CCDC3: variants seen among roughly 807,000 people sequenced by gnomAD.
The protein encoded by CCDC3 is coiled-coil domain containing 3.
Under a neutral mutation model 21.4 loss-of-function variants are expected in CCDC3, and 24 were observed. That is an observed-to-expected ratio of 1.12 (90% CI 0.81 to 1.58). CCDC3 has a LOEUF of 1.58. CCDC3 is among the 40% of genes most tolerant of loss of function. CCDC3 has a pLI of 0.00. For missense variants in CCDC3, 425 were observed against 360.9 expected (o/e 1.18, Z -1.44); for synonymous variants, 186 against 166.0 (o/e 1.12, Z -0.93).
intron 5 of CCDC3, among the ~76,000 whole-genome samples, chr10:13,038,208 G>A (rs1241654341): frequency 6.6e-6 from 1 of 152,052 alleles, no homozygotes; most frequent in African/African-American, 2.4e-5. Context: ...GCCTATCAGA[G>A]GGTGGAGGGT....
intron 4 of CCDC3, among the ~76,000 whole-genome samples, chr10:13,060,606 G>A (rs927359670): frequency 6.6e-6 from 1 of 152,174 alleles, no homozygotes; most frequent in Non-Finnish European, 1.5e-5. Context: ...CTGGGCTCAA[G>A]CAATCCTCCT....
intron 2 of CCDC3, among the ~76,000 whole-genome samples, chr10:12,960,161 C>CATACACA (rs1410978311): frequency 4.7e-4 from 9 of 19,188 alleles, no homozygotes; most frequent in Non-Finnish European, 8.9e-4. Context: ...TTCACACACA[C>CATACACA]ACACACAACA....
chr10:13,079,171 C>A (rs1837002065), intron 3 of CCDC3, among the ~76,000 whole-genome samples: 1 of 152,220 alleles, frequency 6.6e-6, no homozygotes, highest in Non-Finnish European at 1.5e-5. Context: ...AACAAGCATT[C>A]TGTTTTTGAA....
rs34693791 is a variant in CCDC3 at position 13,067,391 on chromosome 10, GT to G, written c.-270+6476del. ...TCAGCATTTAACTTTTAAGTGAGAG[GT>G]TTTTTTTTTCCTTTTTGAAGACATT... On this transcript the variant is annotated intron_variant, in intron 4 of 6. Transcript: ENST00000378839. Among the ~76,000 whole-genome samples, 1,050 of 150,834 alleles carry G rather than the reference GT, an allele frequency of 7.0e-3. 19 individuals carry two copies. Among genetic ancestry groups the G allele is most frequent in the African/African-American group, 0.022 (914 of 41,182 alleles).
chr10:13,061,455 C>T (rs781496838), intron 4 of CCDC3, among the ~76,000 whole-genome samples: 7 of 152,182 alleles, frequency 4.6e-5, no homozygotes, highest in Non-Finnish European at 1.0e-4. Flanking sequence ...AACAGTCAAA[C>T]TCTGTAGAAT....
intron 5 of CCDC3, among the ~76,000 whole-genome samples, chr10:13,022,249 C>T (rs1350368969): frequency 1.3e-5 from 2 of 152,178 alleles, no homozygotes; most frequent in Non-Finnish European, 2.9e-5. Flanking sequence ...AATCCTCTCT[C>T]TCTTTTTTTC....
At chr10:12,978,864 C>A (rs376161292) in intron 2 of CCDC3, among the ~76,000 whole-genome samples, 3 of 152,104 alleles carry the variant, frequency 2.0e-5, no homozygotes, top group African/African-American at 7.2e-5. Flanking sequence ...TTTTAATATG[C>A]GTGCTGTTTT....
At chr10:12,931,809 G>A (rs1271518993) in intron 2 of CCDC3, among the ~76,000 whole-genome samples, 1 of 152,184 alleles carries the variant, frequency 6.6e-6, no homozygotes, top group East Asian at 1.9e-4. Flanking sequence ...CAAGAATTAG[G>A]TCCTGTGTGT....
At position 13,054,484 on chromosome 10, in the gene CCDC3, C is replaced by T. The variant is rs372335826; in HGVS notation, c.-269-4543G>A. Among the ~76,000 whole-genome samples, 8 of 152,234 alleles carry T rather than the reference C, an allele frequency of 5.3e-5. No individual in the cohort carries two copies. In the East Asian group the frequency reaches 9.7e-4, roughly 18 times the overall value. On this transcript the variant is annotated intron_variant, in intron 4 of 6. Transcript: ENST00000378839. Reference sequence around the variant, plus strand: ...ATTTCTGTCTCCCTCTGCTTGGCTACGAGCTCCATGATGGCAGGAATTGCA... The same window carrying T: ...ATTTCTGTCTCCCTCTGCTTGGCTATGAGCTCCATGATGGCAGGAATTGCA...
At chr10:12,939,034 C>A (rs1438824071) in intron 2 of CCDC3, among the ~76,000 whole-genome samples, 2 of 151,694 alleles carry the variant, frequency 1.3e-5, no homozygotes, top group Non-Finnish European at 2.9e-5. Flanking sequence ...TTGGCTGCAT[C>A]CACTACAAAT....
intron 3 of CCDC3, among the ~76,000 whole-genome samples, chr10:13,086,127 C>T (rs915964098): frequency 6.6e-6 from 1 of 151,972 alleles, no homozygotes; most frequent in Non-Finnish European, 1.5e-5. Context: ...TATAAACTTC[C>T]ATATGTTCTT....
At chr10:13,015,670 A>G (rs145520398) in intron 5 of CCDC3, among the ~76,000 whole-genome samples, 79 of 152,162 alleles carry the variant, frequency 5.2e-4, no homozygotes, top group African/African-American at 1.8e-3. Flanking sequence ...TCGCAGCTGT[A>G]TATCAGACAC....
intron 4 of CCDC3, among the ~76,000 whole-genome samples, chr10:13,062,582 T>G (rs1344719765): frequency 2.6e-5 from 4 of 152,176 alleles, no homozygotes; most frequent in Non-Finnish European, 4.4e-5. Context: ...TAAGCAAGAC[T>G]CTGTCTTGTT....
chr10:13,065,408 A>G (rs17152802), intron 4 of CCDC3, among the ~76,000 whole-genome samples: 16,815 of 152,254 alleles, frequency 0.11, 1,156 homozygotes, highest in Admixed American at 0.17. Flanking sequence ...GGGCATCAGA[A>G]TATTGAAAAA....
At chr10:12,988,497 C>T (rs1217286663) in intron 2 of CCDC3, among the ~76,000 whole-genome samples, 1 of 152,126 alleles carries the variant, frequency 6.6e-6, no homozygotes, top group Non-Finnish European at 1.5e-5. Flanking sequence ...GTATGTGCCA[C>T]TATGCCTGGC....
intron 2 of CCDC3, among the ~76,000 whole-genome samples, chr10:12,966,620 CG>C (rs1430006678): frequency 6.6e-6 from 1 of 151,984 alleles, no homozygotes; most frequent in Non-Finnish European, 1.5e-5. Context: ...ACATGGGCTA[CG>C]GTTTTCCAAA....
intron 2 of CCDC3, among the ~76,000 whole-genome samples, chr10:12,995,148 G>A (rs1413502476): frequency 6.6e-6 from 1 of 151,718 alleles, no homozygotes; most frequent in African/African-American, 2.4e-5. Flanking sequence ...TCACTCCAGG[G>A]TATGTAAAAA....
intron 2 of CCDC3, among the ~76,000 whole-genome samples, 163 bp from the exon 3 acceptor site, chr10:12,898,842 C>T (rs1283114427): frequency 1.3e-5 from 2 of 152,202 alleles, no homozygotes; most frequent in Non-Finnish European, 2.9e-5. Context: ...GGTGACATTC[C>T]CCGCCCTCCA....
Position 13,001,389 on chromosome 10 carries a change from T to G in CCDC3, c.182A>C (p.His61Pro). 1.3e-6 allele frequency: 2 copies of G among 1,583,978 alleles called. No individual in the cohort carries two copies. The highest frequency in any genetic ancestry group is 1.7e-6 in the Non-Finnish European group (2 of 1,166,248). ...GCCGGCGTGGTACTGCCAGGGCAGG[T>G]GGTTGTAGAGGCCGGGCGCCTCGGG... ...LHPEAPGLYN[H>P]LPWQYHAGQG... is the part of the protein sequence containing the mutation. Residue 61 changes from histidine to proline, a missense_variant, in exon 1 of 3, where the codon CAC becomes CCC. By Grantham distance (77) the His-to-Pro change is moderately conservative (BLOSUM62 -2). Transcript: ENST00000378825.
Sources: gnomAD v4.1 joint callset for allele counts (sites outside exome capture counted in the v4.1 genomes callset) on GRCh38, gnomAD v4.1.1 for gene constraint, MANE v1.5 for transcripts, NCBI Gene and HGNC (gene_info 2026-07-23, HGNC 2026-07-21) for gene names.